FMN1: variants seen among roughly 807,000 people sequenced by gnomAD.
FMN1 encodes the protein formin-1.
A neutral mutation model predicts 132.4 loss-of-function variants in FMN1; 110 were observed. The ratio of observed to expected loss-of-function variants is 0.83; its 90% CI spans 0.71 to 0.97. The LOEUF is 0.97. FMN1 is among the 50% of genes least tolerant of loss of function. FMN1 has a pLI of 0.00. For missense variants in FMN1, 1,792 were observed against 1,705.3 expected, an observed-to-expected ratio of 1.05 and a Z score of -0.90; for synonymous variants, 722 against 651.7, an observed-to-expected ratio of 1.11 and a Z score of -1.64.
At chr15:33,161,661 G>C (rs1964894904) in intron 3 of FMN1, among the ~76,000 whole-genome samples, 1 of 152,192 alleles carries the variant, frequency 6.6e-6, no homozygotes, top group African/African-American at 2.4e-5. Context: ...GCTCACGCCT[G>C]TAATCCCAGC....
chr15:32,953,076 C>T (rs978049763), intron 9 of FMN1, among the ~76,000 whole-genome samples: 4 of 152,132 alleles, frequency 2.6e-5, no homozygotes, highest in African/African-American at 4.8e-5. Context: ...CAGCTGGAAG[C>T]GAGCGAGCAT....
At chr15:33,044,187 G>T (rs2036573036) in intron 6 of FMN1, among the ~76,000 whole-genome samples, 1 of 152,236 alleles carries the variant, frequency 6.6e-6, no homozygotes, top group African/African-American at 2.4e-5. Flanking sequence ...GGCTGAGGAG[G>T]GGCTGAGGGC....
At chr15:33,120,914 G>T (rs1962492428) in intron 4 of FMN1, among the ~76,000 whole-genome samples, 1 of 151,976 alleles carries the variant, frequency 6.6e-6, no homozygotes, top group African/African-American at 2.4e-5. Context: ...ACTATACACT[G>T]AACTACTTAT....
At chr15:33,126,494 T>C (rs537286804) in intron 4 of FMN1, among the ~76,000 whole-genome samples, 13 of 152,238 alleles carry the variant, frequency 8.5e-5, no homozygotes, top group African/African-American at 3.1e-4. Flanking sequence ...ACAGACCAAC[T>C]CTACATCTAC....
At chr15:32,823,249 C>T (rs1321455901) in intron 17 of FMN1, among the ~76,000 whole-genome samples, 1 of 145,410 alleles carries the variant, frequency 6.9e-6, no homozygotes. Flanking sequence ...GCAAGCTCTG[C>T]CTCCTGGGTT....
chr15:32,979,719 C>G (rs1596387221), intron 7 of FMN1, among the ~76,000 whole-genome samples: 1 of 140,560 alleles, frequency 7.1e-6, no homozygotes, highest in Non-Finnish European at 1.5e-5. Context: ...TCAGACATAA[C>G]TTTTTCCTTG....
chr15:33,023,137 A>G (rs142030267), intron 6 of FMN1, among the ~76,000 whole-genome samples: 63 of 150,490 alleles, frequency 4.2e-4, no homozygotes, highest in African/African-American at 1.4e-3. Context: ...TAAATCTGCA[A>G]CATTCACATA....
intron 4 of FMN1, among the ~76,000 whole-genome samples, chr15:33,145,759 GAA>G (rs1964191895): frequency 6.6e-6 from 1 of 151,732 alleles, no homozygotes; most frequent in Non-Finnish European, 1.5e-5. Flanking sequence ...ATCCTAGGGA[GAA>G]CATAGCTGAG....
chr15:33,012,820 G>A (rs1324140250), intron 6 of FMN1: 9 of 650,118 alleles, frequency 1.4e-5, no homozygotes, highest in Non-Finnish European at 2.6e-5. Context: ...TGGTGGTGGA[G>A]GATATGGTAG....
intron 11 of FMN1, among the ~76,000 whole-genome samples, chr15:32,908,824 T>C (rs1356437713): frequency 6.6e-6 from 1 of 152,082 alleles, no homozygotes; most frequent in Non-Finnish European, 1.5e-5. Context: ...AAGTTTGAGA[T>C]TCAATGCAAA....
chr15:32,977,793 T>C (rs2032330720), intron 7 of FMN1, among the ~76,000 whole-genome samples: 1 of 152,004 alleles, frequency 6.6e-6, no homozygotes, highest in Non-Finnish European at 1.5e-5. Context: ...ATGCAAATGT[T>C]CACACAAAAT....
In FMN1 at chr15:32,994,046, T is replaced by C. The variant is rs372203357; in HGVS notation, c.2223+13968A>G. On this transcript the variant is annotated intron_variant, in intron 7 of 20. Transcript: ENST00000616417. ...AGATGTACAAGACCCTTCCAGAATC[T>C]TGCCTCTTGCCTTTCTCCACCGCAC... Among the ~76,000 whole-genome samples, 7 of 152,250 alleles carry C rather than the reference T, an allele frequency of 4.6e-5. No homozygotes were observed. The East Asian group carries it at 1.4e-3, about 29-fold the overall frequency.
At chr15:32,954,710 A>T (rs1161342969) in intron 9 of FMN1, among the ~76,000 whole-genome samples, 1 of 152,260 alleles carries the variant, frequency 6.6e-6, no homozygotes, top group Non-Finnish European at 1.5e-5. Flanking sequence ...TTTATCAAGT[A>T]ATTAACAACA....
intron 6 of FMN1, among the ~76,000 whole-genome samples, chr15:33,058,090 G>GTGCTGGTGGAAAGGTGCGGCGGGGC (rs2037315740): frequency 9.1e-6 from 1 of 110,464 alleles, no homozygotes; most frequent in Non-Finnish European, 2.3e-5. Context: ...TGTGATGGGG[G>GTGCTGGTGGAAAGGTGCGGCGGGGC]TGCTGGTGGA....
At chr15:33,101,734 T>C in intron 4 of FMN1, among the ~76,000 whole-genome samples, 1 of 152,186 alleles carries the variant, frequency 6.6e-6, no homozygotes, top group East Asian at 1.9e-4. Flanking sequence ...ATCGGTCCTA[T>C]GATTATGACA....
intron 10 of FMN1, among the ~76,000 whole-genome samples, chr15:32,925,268 TA>T (rs2060931184): frequency 6.6e-6 from 1 of 152,354 alleles, no homozygotes; most frequent in East Asian, 1.9e-4. Context: ...TGAAAACTTC[TA>T]TTGAAATAAT....
intron 9 of FMN1, 110 bp downstream of exon 9, chr15:32,963,996 GT>G: frequency 2.9e-6 from 1 of 349,952 alleles, no homozygotes. Flanking sequence ...GTATAGGTAT[GT>G]GTGTGTGTGT....
intron 16 of FMN1, among the ~76,000 whole-genome samples, chr15:32,880,544 T>A (rs1381980630): frequency 6.6e-6 from 1 of 152,190 alleles, no homozygotes; most frequent in Non-Finnish European, 1.5e-5. Flanking sequence ...CTCCACTGAA[T>A]TTTTATTTCC....
Position 33,096,554 on chromosome 15 carries a change from GTACTT to G in FMN1, c.1868-7585_1868-7581del, listed in dbSNP as rs148104785. 4.5e-3 allele frequency among the ~76,000 whole-genome samples: 685 copies of G among 151,818 alleles called. 34 individuals are homozygous for G. In the East Asian group the frequency reaches 0.12, roughly 25 times the overall value. ...GTCATTAGTACTGAGAAGGAGTCCT[GTACTT>G]TACTCCAGCACCGGATTTATCACTT... On this transcript the variant is annotated intron_variant, in intron 4 of 20. Coordinates refer to ENST00000616417, the MANE Select transcript of FMN1 (RefSeq NM_001277313.2).
Sources: allele counts gnomAD v4.1 joint callset (sites outside exome capture counted in the v4.1 genomes callset), GRCh38; gene constraint gnomAD v4.1.1; transcripts MANE v1.5; gene names NCBI Gene and HGNC (gene_info 2026-07-23, HGNC 2026-07-21).